Variants in MEIKIN observed in about 807,000 individuals in gnomAD.
MEIKIN encodes the protein meiotic kinetochore factor.
chr5:131,933,872 GT>G (rs1751729162), intron 4 of MEIKIN, among the ~76,000 whole-genome samples: 1 of 151,880 alleles, frequency 6.6e-6, no homozygotes, highest in African/African-American at 2.4e-5. Flanking sequence ...CCCTTTTGTT[GT>G]TTTTCAAAGT....
At chr5:131,878,783 G>A in intron 9 of MEIKIN, 195 bp downstream of exon 9, 1 of 357,078 alleles carries the variant, frequency 2.8e-6, no homozygotes, top group Non-Finnish European at 5.0e-6. Context: ...GTTGAAACAG[G>A]AGAACAGCTT....
intron 11 of MEIKIN, among the ~76,000 whole-genome samples, chr5:131,837,617 C>A (rs878990651): frequency 3.3e-5 from 5 of 152,064 alleles, no homozygotes; most frequent in Non-Finnish European, 7.4e-5. Context: ...CTTTTTCTGG[C>A]AATTCTGAAT....
intron 11 of MEIKIN, among the ~76,000 whole-genome samples, chr5:131,849,136 T>C (rs1407037025): frequency 3.3e-5 from 5 of 152,128 alleles, no homozygotes; most frequent in Non-Finnish European, 5.9e-5. Flanking sequence ...ATCCCCAATG[T>C]TGGAGGTGGG....
chr5:131,824,344 G>A (rs115691182), intron 11 of MEIKIN, among the ~76,000 whole-genome samples: 2,499 of 151,288 alleles, frequency 0.017, 34 homozygotes, highest in South Asian at 0.064. Flanking sequence ...GTGAGACCTG[G>A]CTCTAAAAAA....
Position 131,945,621 on chromosome 5 carries a change from G to A in MEIKIN, c.-116C>T, listed in dbSNP as rs908013502. ...GCGTCCAGGCGAGGCCCGCGGAGCA[G>A]CCTCACAGCAACTAATCGAGCGAAA... On this transcript the variant is annotated 5_prime_UTR_variant, in exon 1 of 13. Coordinates refer to ENST00000442687, the MANE Select transcript of MEIKIN (RefSeq NM_001303622.2). The A allele has an allele frequency of 2.5e-6, 1 of 397,866 alleles. No individual in the cohort carries two copies. Among genetic ancestry groups the A allele is most frequent in the Non-Finnish European group, 4.4e-6 (1 of 225,088 alleles). The allele number at this position is 397,866 out of a possible 1,614,324, so 24.6% of individuals were successfully genotyped here.
chr5:131,927,188 G>T (rs566208924), intron 5 of MEIKIN, among the ~76,000 whole-genome samples: 3 of 149,598 alleles, frequency 2.0e-5, no homozygotes, highest in African/African-American at 7.4e-5. Flanking sequence ...GCTTTCATCC[G>T]AAGATATTTT....
chr5:131,826,350 A>C (rs1749608001), intron 11 of MEIKIN, among the ~76,000 whole-genome samples: 1 of 152,208 alleles, frequency 6.6e-6, no homozygotes, highest in Non-Finnish European at 1.5e-5. Flanking sequence ...AATAGCAATA[A>C]TGCTGATTAT....
intron 8 of MEIKIN, among the ~76,000 whole-genome samples, chr5:131,890,064 A>G (rs1037909554): frequency 2.6e-5 from 4 of 152,156 alleles, no homozygotes; most frequent in East Asian, 1.9e-4. Flanking sequence ...GATGAAGCCC[A>G]CTTGATCATG....
intron 11 of MEIKIN, among the ~76,000 whole-genome samples, chr5:131,826,940 T>C (rs1749623713): frequency 6.6e-6 from 1 of 152,138 alleles, no homozygotes; most frequent in South Asian, 2.1e-4. Context: ...AGAAACAAAA[T>C]AGAAAGTATT....
chr5:131,839,609 C>T (rs1436295416), intron 11 of MEIKIN, among the ~76,000 whole-genome samples: 1 of 151,720 alleles, frequency 6.6e-6, no homozygotes, highest in Non-Finnish European at 1.5e-5. Flanking sequence ...TTATGTAATG[C>T]CCTTGTCTTT....
intron 11 of MEIKIN, among the ~76,000 whole-genome samples, chr5:131,832,839 G>A (rs896582392): frequency 1.3e-5 from 2 of 152,220 alleles, no homozygotes; most frequent in African/African-American, 4.8e-5. Context: ...GAGTGGCGAG[G>A]ATGCAGGGCA....
chr5:131,939,808 C>A (rs548722037), intron 4 of MEIKIN, among the ~76,000 whole-genome samples: 41 of 152,248 alleles, frequency 2.7e-4, no homozygotes, highest in African/African-American at 9.9e-4. Context: ...TTTCCTTATA[C>A]CTTTCACGTG....
intron 8 of MEIKIN, among the ~76,000 whole-genome samples, chr5:131,907,053 A>G (rs2149641623): frequency 6.6e-6 from 1 of 152,318 alleles, no homozygotes; most frequent in South Asian, 2.1e-4. Context: ...GGAAACTAAC[A>G]AACACATGAA....
chr5:131,917,614 A>G (rs1449488720), intron 6 of MEIKIN, among the ~76,000 whole-genome samples: 1 of 151,956 alleles, frequency 6.6e-6, no homozygotes, highest in Non-Finnish European at 1.5e-5. Context: ...ATACTAGTCC[A>G]GTATCAAATA....
intron 11 of MEIKIN, among the ~76,000 whole-genome samples, chr5:131,841,901 T>C (rs1749921505): frequency 6.6e-6 from 1 of 152,230 alleles, no homozygotes; most frequent in African/African-American, 2.4e-5. Flanking sequence ...TATATTGACT[T>C]TGTATCCTGT....
At chr5:131,819,283 C>T (rs1749431945) in intron 11 of MEIKIN, among the ~76,000 whole-genome samples, 1 of 151,828 alleles carries the variant, frequency 6.6e-6, no homozygotes, top group Admixed American at 6.6e-5. Context: ...TTGACAATTT[C>T]CCATCAGGCA....
rs148797239 is a variant in MEIKIN, at chr5:131,871,848, G to A, written c.774+7130C>T. On this transcript the variant is annotated intron_variant, in intron 9 of 12. Coordinates refer to ENST00000442687, the MANE Select transcript of MEIKIN (RefSeq NM_001303622.2). Reference sequence around the variant, plus strand: ...CAGCATTTGCGGTTCACCAATATCCGATGTTCTGCAGCCACCACTGCTGAT... The same window carrying A: ...CAGCATTTGCGGTTCACCAATATCCAATGTTCTGCAGCCACCACTGCTGAT... Among the ~76,000 whole-genome samples, 1,065 of 152,194 alleles carry A rather than the reference G, an allele frequency of 7.0e-3. 43 individuals are homozygous for A. Among genetic ancestry groups the A allele is most frequent in the East Asian group, 0.065 (335 of 5,174 alleles).
intron 11 of MEIKIN, among the ~76,000 whole-genome samples, chr5:131,838,675 T>C (rs560108611): frequency 6.6e-6 from 1 of 152,188 alleles, no homozygotes; most frequent in South Asian, 2.1e-4. Flanking sequence ...GGTTATTTGC[T>C]TTTCTGTGGG....
intron 6 of MEIKIN, among the ~76,000 whole-genome samples, chr5:131,917,878 C>T (rs1031704302): frequency 6.6e-6 from 1 of 152,166 alleles, no homozygotes; most frequent in African/African-American, 2.4e-5. Flanking sequence ...ACATAAAAGG[C>T]TACAGTGGAC....
Sources: allele counts gnomAD v4.1 joint callset (sites outside exome capture counted in the v4.1 genomes callset), GRCh38; gene constraint gnomAD v4.1.1; transcripts MANE v1.5; gene names NCBI Gene and HGNC (gene_info 2026-07-23, HGNC 2026-07-21).